DOCK3: variants seen among roughly 807,000 people sequenced by gnomAD.
DOCK3 encodes dedicator of cytokinesis protein 3.
DOCK3 carries 60 observed loss-of-function variants against 265.6 expected under a neutral mutation model. The ratio of observed to expected loss-of-function variants is 0.23; its 90% CI spans 0.18 to 0.28. The LOEUF is 0.28. Among genes scored for constraint, DOCK3 ranks in the 10% least tolerant of loss-of-function variants. The pLI is 1.00. For synonymous variants in DOCK3, 881 were observed against 938.0 expected (o/e 0.94, Z 1.11); for missense variants, 1,981 against 2,594.3 (o/e 0.76, Z 5.14).
chr3:50,693,500 C>T, intron 1 of DOCK3, among the ~76,000 whole-genome samples: 1 of 140,980 alleles, frequency 7.1e-6, no homozygotes, highest in Admixed American at 7.0e-5. Context: ...TTGTTTTCTT[C>T]CTTTTCATAT....
At chr3:51,200,608 A>T (rs1315688571) in intron 12 of DOCK3, among the ~76,000 whole-genome samples, 2 of 152,002 alleles carry the variant, frequency 1.3e-5, no homozygotes, top group South Asian at 2.1e-4. Flanking sequence ...GCAGAATATT[A>T]TCCAGGAGAA....
At chr3:51,338,896 C>T (rs1354616882) in intron 36 of DOCK3, 39 bp from the exon 37 acceptor site, 1 of 1,537,900 alleles carries the variant, frequency 6.5e-7, no homozygotes, top group Non-Finnish European at 8.8e-7. Context: ...CTATGGCTTC[C>T]ACAGGTAGTT....
intron 1 of DOCK3, among the ~76,000 whole-genome samples, chr3:50,711,052 A>G (rs2036731061): frequency 6.6e-6 from 1 of 152,346 alleles, no homozygotes; most frequent in South Asian, 2.1e-4. Flanking sequence ...AGAAATCTCC[A>G]GTAAAGAACT....
chr3:50,712,982 T>C (rs2036865839), intron 1 of DOCK3, among the ~76,000 whole-genome samples: 1 of 152,192 alleles, frequency 6.6e-6, no homozygotes, highest in Non-Finnish European at 1.5e-5. Flanking sequence ...AAGAAATATA[T>C]GTAGGTCTCT....
chr3:50,696,851 C>CT (rs2035655483), intron 1 of DOCK3, among the ~76,000 whole-genome samples: 1 of 151,612 alleles, frequency 6.6e-6, no homozygotes, highest in African/African-American at 2.4e-5. Flanking sequence ...TTCAACTTGT[C>CT]TTTTTTCTCT....
At chr3:51,089,880 C>CA (rs2109554663) in intron 8 of DOCK3, among the ~76,000 whole-genome samples, 1 of 114,178 alleles carries the variant, frequency 8.8e-6, no homozygotes, top group East Asian at 2.6e-4. Flanking sequence ...GTCTGGGTGA[C>CA]AGAGTGAGAC....
At chr3:51,217,992 C>T (rs537627778) in intron 14 of DOCK3, among the ~76,000 whole-genome samples, 4 of 151,900 alleles carry the variant, frequency 2.6e-5, no homozygotes, top group Admixed American at 6.6e-5. Context: ...GTGGTGGGCG[C>T]CTGTAATCCC....
intron 5 of DOCK3, among the ~76,000 whole-genome samples, chr3:50,965,830 T>C (rs2077012704): frequency 6.6e-6 from 1 of 152,236 alleles, no homozygotes; most frequent in East Asian, 1.9e-4. Context: ...AAAGATTGTA[T>C]ATATTAAAGG....
At chr3:50,940,706 G>A (rs928124050) in intron 5 of DOCK3, among the ~76,000 whole-genome samples, 2 of 152,096 alleles carry the variant, frequency 1.3e-5, no homozygotes, top group African/African-American at 4.8e-5. Context: ...AGTAATCAAG[G>A]CAGAGTGGTA....
chr3:51,075,212 G>T, intron 6 of DOCK3, 144 bp from the exon 7 acceptor site: 1 of 614,978 alleles, frequency 1.6e-6, no homozygotes, highest in South Asian at 2.3e-5. Context: ...AGAATTAGTT[G>T]TTGCTGTATA....
intron 12 of DOCK3, among the ~76,000 whole-genome samples, chr3:51,205,002 T>C (rs1334810630): frequency 6.7e-6 from 1 of 149,850 alleles, no homozygotes; most frequent in Non-Finnish European, 1.5e-5. Context: ...AACATCACAC[T>C]CTGGGGACTG....
chr3:50,720,500 A>C (rs1455790132), intron 1 of DOCK3, among the ~76,000 whole-genome samples: 1 of 152,238 alleles, frequency 6.6e-6, no homozygotes, highest in Admixed American at 6.5e-5. Context: ...GTAGTATTCC[A>C]TGGTGTATAT....
chr3:51,167,116 T>C (rs1415115118), intron 12 of DOCK3, among the ~76,000 whole-genome samples: 3 of 152,238 alleles, frequency 2.0e-5, no homozygotes, highest in Non-Finnish European at 4.4e-5. Flanking sequence ...ATTTAATCTC[T>C]TTCGAGTTAG....
intron 7 of DOCK3, among the ~76,000 whole-genome samples, chr3:51,088,657 A>G (rs1413483372): frequency 1.3e-5 from 2 of 152,242 alleles, no homozygotes; most frequent in Admixed American, 6.5e-5. Flanking sequence ...GAGCTTCACA[A>G]TAACTTTGTA....
chr3:51,297,117 C>CAAA (rs71633066), intron 27 of DOCK3, among the ~76,000 whole-genome samples: 1,906 of 65,266 alleles, frequency 0.029, 182 homozygotes, highest in Middle Eastern at 0.086. Context: ...GACTCTGTCT[C>CAAA]AAAAAAAAAA....
At chr3:50,771,333 G>C (rs1369778836) in intron 1 of DOCK3, among the ~76,000 whole-genome samples, 1 of 152,112 alleles carries the variant, frequency 6.6e-6, no homozygotes, top group Non-Finnish European at 1.5e-5. Context: ...TGGCAAGCAG[G>C]CATATGAAAA....
intron 4 of DOCK3, among the ~76,000 whole-genome samples, chr3:50,905,717 A>G (rs1299315131): frequency 2.6e-5 from 4 of 152,086 alleles, no homozygotes; most frequent in South Asian, 2.1e-4. Context: ...AACAGGGACA[A>G]TTTGACTTCC....
intron 4 of DOCK3, among the ~76,000 whole-genome samples, chr3:50,895,945 A>C (rs2107772771): frequency 6.6e-6 from 1 of 152,180 alleles, no homozygotes; most frequent in African/African-American, 2.4e-5. Context: ...GTTGGTTCCA[A>C]GTTTTTGCTA....
intron 10 of DOCK3, among the ~76,000 whole-genome samples, chr3:51,147,528 C>G (rs934665921): frequency 1.3e-5 from 2 of 152,160 alleles, no homozygotes; most frequent in African/African-American, 4.8e-5. Context: ...GTGTGATGTT[C>G]CCTGCCCTAT....
Sources: allele counts gnomAD v4.1 joint callset (sites outside exome capture counted in the v4.1 genomes callset), GRCh38; gene constraint gnomAD v4.1.1; transcripts MANE v1.5; gene names NCBI Gene and HGNC (gene_info 2026-07-23, HGNC 2026-07-21).